The following GFOD1 variants were observed in gnomAD, a reference collection of about 807,000 sequenced individuals.
The protein encoded by GFOD1 is glucose-fructose oxidoreductase domain-containing protein 1.
GFOD1 carries 9 observed loss-of-function variants against 25.4 expected under a neutral mutation model. That is an observed-to-expected ratio of 0.35 (90% confidence interval 0.21 to 0.62). The LOEUF (loss-of-function observed/expected upper bound fraction) is 0.62. Among genes scored for constraint, GFOD1 ranks in the 20% least tolerant of loss-of-function variants. The pLI is 0.72. For synonymous variants in GFOD1, 253 were observed against 245.6 expected, an observed-to-expected ratio of 1.03 and a Z score of -0.28; for missense variants, 403 against 556.9, an observed-to-expected ratio of 0.72 and a Z score of 2.78.
intron 1 of GFOD1, among the ~76,000 whole-genome samples, chr6:13,472,612 C>A (rs1454575654): frequency 6.6e-6 from 1 of 152,210 alleles, no homozygotes; most frequent in Non-Finnish European, 1.5e-5. Flanking sequence ...AAGGATTCAA[C>A]CCCGGGCAGT....
Position 13,436,907 on chromosome 6 carries a change from C to T in GFOD1, c.253+49731G>A, listed in dbSNP as rs144446088. Among the ~76,000 whole-genome samples, 519 of 152,314 alleles carry T rather than the reference C, an allele frequency of 3.4e-3. 3 individuals are homozygous for T. The highest frequency in any genetic ancestry group is 0.012 in the African/African-American group (497 of 41,556). ...TTCTATCAAAGGCACTGTGTTCATT[C>T]AGAACTCCAGTTCAGAGCTTTGTGC... On this transcript the variant is annotated intron_variant, in intron 1 of 1. Transcript: ENST00000379287.
intron 1 of GFOD1, among the ~76,000 whole-genome samples, chr6:13,379,576 G>A (rs954528987): frequency 1.3e-5 from 2 of 152,234 alleles, no homozygotes; most frequent in African/African-American, 4.8e-5. Flanking sequence ...GTTCTCTGGT[G>A]TGATCTGGAC....
chr6:13,378,164 A>G (rs532339642), intron 1 of GFOD1, among the ~76,000 whole-genome samples: 1 of 152,336 alleles, frequency 6.6e-6, no homozygotes, highest in South Asian at 2.1e-4. Flanking sequence ...ACTAAGGCTT[A>G]GAGATTATGA....
intron 1 of GFOD1, among the ~76,000 whole-genome samples, chr6:13,451,424 C>T (rs1758096873): frequency 6.6e-6 from 1 of 152,188 alleles, no homozygotes; most frequent in Non-Finnish European, 1.5e-5. Flanking sequence ...GAGCCATCGC[C>T]AGCAGTTCAG....
chr6:13,365,185 T>C lies in GFOD1; in HGVS notation c.731A>G (p.Glu244Gly). Residue 244 changes from glutamate (E) to glycine (G), a missense_variant, in exon 2 of 2, where the codon GAG (glutamate) becomes GGG (glycine). By Grantham distance (98) the Glu-to-Gly change is moderately conservative (BLOSUM62 -2). Transcript: ENST00000379287. The surrounding 1 kb of genome is among the most constrained non-coding windows in gnomAD (Gnocchi z 9.2). Reference protein sequence around the residue: ...TVTLNFNVPGEFKQDVTVVGS... With the variant: ...TVTLNFNVPGGFKQDVTVVGS... ...CACCACAGTGACATCCTGCTTGAAC[T>C]CGCCGGGCACGTTGAAGTTGAGGGT... is the stretch of plus-strand genomic sequence containing the variant. 6.2e-7 allele frequency: 1 copy of C among 1,613,948 alleles called. No homozygotes were observed. Among genetic ancestry groups the C allele is most frequent in the Non-Finnish European group, 8.5e-7 (1 of 1,179,996 alleles).
intron 1 of GFOD1, among the ~76,000 whole-genome samples, chr6:13,455,560 G>A (rs899099884): frequency 2.6e-5 from 4 of 152,196 alleles, no homozygotes; most frequent in African/African-American, 9.7e-5. Flanking sequence ...AGGCAAAGGA[G>A]TAAACATTAA....
rs146793948 is a variant in GFOD1, at chr6:13,439,066, G to C, written c.253+47572C>G. 4.5e-3 allele frequency among the ~76,000 whole-genome samples: 685 copies of C among 152,202 alleles called. 5 individuals are homozygous for C. Among genetic ancestry groups the C allele is most frequent in the African/African-American group, 0.016 (656 of 41,512 alleles). On this transcript the variant is annotated intron_variant, in intron 1 of 1. Transcript: ENST00000379287. ...TAGAAACATCCATCTCTGCAATCAG[G>C]GTACTCAGGGATTAACTGGTCTAGA...
intron 1 of GFOD1, among the ~76,000 whole-genome samples, chr6:13,387,905 C>T (rs1422235439): frequency 6.6e-6 from 1 of 152,178 alleles, no homozygotes; most frequent in African/African-American, 2.4e-5. Context: ...AGCTGATAGG[C>T]AACTTCAGCA....
At position 13,365,358 on chromosome 6, in the gene GFOD1, G is replaced by A. The variant is rs544970773; in HGVS notation, c.558C>T (p.Phe186=). 8.7e-6 allele frequency: 14 copies of A among 1,614,182 alleles called. No individual in the cohort carries two copies. In the Admixed American group the frequency reaches 2.2e-4, roughly 25 times the overall value. ...CCTTGACGGCCTTTTGGCCGGTGAG[G>A]AAGGTGAGCAGGTCGATGATGTAGG... ...VGTYIIDLLT[F]LTGQKAVKVH... The change falls in exon 2 of 2, where the codon TTC becomes TTT. Residue 186 remains phenylalanine (F), a synonymous_variant. Transcript: ENST00000379287. The surrounding 1 kb of genome is among the most constrained non-coding windows in gnomAD (Gnocchi z 9.2).
At chr6:13,486,257 C>CCCCCCCCCCCA (rs1554207083) in intron 1 of GFOD1, 1 of 276,728 alleles carries the variant, frequency 3.6e-6, no homozygotes, top group African/African-American at 2.9e-5. Flanking sequence ...TCCCCCCCCC[C>CCCCCCCCCCCA]CACACACACA....
At chr6:13,429,395 C>T (rs531490360) in intron 1 of GFOD1, among the ~76,000 whole-genome samples, 145 of 152,324 alleles carry the variant, frequency 9.5e-4, no homozygotes, top group African/African-American at 3.2e-3. Flanking sequence ...GCTTTAAGAA[C>T]GACAAACTAT....
At chr6:13,485,877 G>A (rs1325189611) in intron 1 of GFOD1, 1 of 252,024 alleles carries the variant, frequency 4.0e-6, no homozygotes, top group African/African-American at 2.3e-5. Flanking sequence ...TGGGGCAGAA[G>A]ACATTTCCCG....
chr6:13,444,981 C>T (rs1757980911), intron 1 of GFOD1, among the ~76,000 whole-genome samples: 1 of 152,120 alleles, frequency 6.6e-6, no homozygotes, highest in Non-Finnish European at 1.5e-5. Context: ...TAAAAATCAA[C>T]CCCCTCTAAG....
intron 1 of GFOD1, among the ~76,000 whole-genome samples, chr6:13,374,014 A>G (rs906252451): frequency 6.6e-5 from 10 of 152,180 alleles, no homozygotes; most frequent in African/African-American, 2.2e-4. Flanking sequence ...AATTTCAAAT[A>G]GCAACAACAG....
chr6:13,387,769 G>A (rs1057215158), intron 1 of GFOD1, among the ~76,000 whole-genome samples: 2 of 152,156 alleles, frequency 1.3e-5, no homozygotes, highest in African/African-American at 4.8e-5. Context: ...TCTGGCCAGG[G>A]CATCAGGCAA....
intron 1 of GFOD1, among the ~76,000 whole-genome samples, chr6:13,478,091 C>CA (rs1194620635): frequency 6.7e-6 from 1 of 149,154 alleles, no homozygotes; most frequent in African/African-American, 2.5e-5. Flanking sequence ...AACAAAGAAA[C>CA]AAAAAAAACC....
At chr6:13,397,550 C>G (rs185848032) in intron 1 of GFOD1, among the ~76,000 whole-genome samples, 3 of 152,338 alleles carry the variant, frequency 2.0e-5, no homozygotes, top group Admixed American at 2.0e-4. Context: ...TCATAAAACC[C>G]AGGGGCCGGC....
chr6:13,458,041 T>A (rs1758222408), intron 1 of GFOD1, among the ~76,000 whole-genome samples: 1 of 152,230 alleles, frequency 6.6e-6, no homozygotes, highest in African/African-American at 2.4e-5. Context: ...AAAGTACTGT[T>A]TCCTAGTCCC....
intron 1 of GFOD1, among the ~76,000 whole-genome samples, chr6:13,387,201 T>A (rs1470966395): frequency 1.3e-5 from 2 of 152,200 alleles, no homozygotes; most frequent in Non-Finnish European, 2.9e-5. Flanking sequence ...CATTAATGTT[T>A]ACATGAGCAT....
Sources: gnomAD v4.1 joint callset for allele counts (sites outside exome capture counted in the v4.1 genomes callset) on GRCh38, gnomAD v4.1.1 for gene constraint, Gnocchi (gnomAD v3.1) non-coding constraint, MANE v1.5 for transcripts, NCBI Gene and HGNC (gene_info 2026-07-23, HGNC 2026-07-21) for gene names.